ADGRL2: variants seen among roughly 807,000 people sequenced by gnomAD.
ADGRL2 encodes calcium-independent alpha-latrotoxin receptor 2.
ADGRL2 carries 44 observed loss-of-function variants against 157.4 expected under a neutral mutation model. The ratio of observed to expected loss-of-function variants is 0.28; its 90% confidence interval spans 0.22 to 0.36. ADGRL2 has a LOEUF of 0.36. Ranked by LOEUF, ADGRL2 falls within the 10% of genes least tolerant of loss-of-function variation. ADGRL2 has a pLI of 1.00. For synonymous variants in ADGRL2, 585 were observed against 624.7 expected, an observed-to-expected ratio of 0.94 and a Z score of 0.95; for missense variants, 1,510 against 1,768.9, an observed-to-expected ratio of 0.85 and a Z score of 2.63.
At chr1:81,985,714 A>T (rs1662955855) in intron 21 of ADGRL2, among the ~76,000 whole-genome samples, 2 of 152,020 alleles carry the variant, frequency 1.3e-5, no homozygotes, top group South Asian at 4.1e-4. Flanking sequence ...AAACAAAAAT[A>T]CATGAAAGTT....
At chr1:81,479,160 T>A (rs1302557387) in intron 2 of ADGRL2, among the ~76,000 whole-genome samples, 1 of 151,368 alleles carries the variant, frequency 6.6e-6, no homozygotes, top group Admixed American at 6.6e-5. Context: ...ATTAAAATAT[T>A]TTTTTCTTTT....
At chr1:81,637,218 C>G (rs2082132128) in intron 3 of ADGRL2, among the ~76,000 whole-genome samples, 1 of 152,120 alleles carries the variant, frequency 6.6e-6, no homozygotes, top group Non-Finnish European at 1.5e-5. Context: ...AAGCACATTT[C>G]CAGGTCAGAT....
At chr1:81,652,964 T>C (rs1252210273) in intron 3 of ADGRL2, among the ~76,000 whole-genome samples, 3 of 152,196 alleles carry the variant, frequency 2.0e-5, no homozygotes, top group African/African-American at 7.2e-5. Flanking sequence ...TTAAAGTGAA[T>C]CATTTGATCA....
At chr1:81,322,898 C>G (rs781450970) in intron 1 of ADGRL2, among the ~76,000 whole-genome samples, 2 of 152,112 alleles carry the variant, frequency 1.3e-5, no homozygotes, top group Non-Finnish European at 2.9e-5. Context: ...CACTCTGTTG[C>G]CCAGGCTGGA....
intron 2 of ADGRL2, among the ~76,000 whole-genome samples, chr1:81,506,746 A>G (rs1472455459): frequency 6.6e-6 from 1 of 151,332 alleles, no homozygotes; most frequent in Admixed American, 6.6e-5. Context: ...ACAAAACAAA[A>G]CAAAACAAAA....
At chr1:81,502,569 T>C (rs112436178) in intron 2 of ADGRL2, 3 of 1,613,842 alleles carry the variant, frequency 1.9e-6, no homozygotes, top group Non-Finnish European at 2.5e-6. Flanking sequence ...GGGGGCCTGG[T>C]GGAGATCATC....
chr1:81,644,768 A>G (rs991647855), intron 3 of ADGRL2, among the ~76,000 whole-genome samples: 2 of 152,222 alleles, frequency 1.3e-5, no homozygotes, highest in Non-Finnish European at 1.5e-5. Flanking sequence ...CTGGTTCAGG[A>G]TGCTAACAAT....
chr1:81,841,018 TG>T (rs2092556120), intron 2 of ADGRL2, among the ~76,000 whole-genome samples: 1 of 152,174 alleles, frequency 6.6e-6, no homozygotes. Context: ...AATGGAGCCT[TG>T]GCAAGCATAA....
intron 1 of ADGRL2, among the ~76,000 whole-genome samples, chr1:81,833,123 A>C (rs190684302): frequency 5.7e-4 from 87 of 152,324 alleles, no homozygotes; most frequent in Admixed American, 8.5e-4. Context: ...AATGATTATA[A>C]TTTTATGATG....
intron 1 of ADGRL2, among the ~76,000 whole-genome samples, chr1:81,397,300 G>A (rs2076671675): frequency 7.4e-6 from 1 of 134,552 alleles, no homozygotes; most frequent in African/African-American, 2.8e-5. Flanking sequence ...TGTGGTATTA[G>A]TTATAATGTC....
intron 1 of ADGRL2, among the ~76,000 whole-genome samples, chr1:81,321,257 C>T (rs868568802): frequency 6.6e-6 from 1 of 152,150 alleles, no homozygotes; most frequent in African/African-American, 2.4e-5. Context: ...CTGTTTTGGT[C>T]TTCTATCCCG....
intron 1 of ADGRL2, among the ~76,000 whole-genome samples, chr1:81,756,834 T>TA (rs746998501): frequency 3.3e-4 from 51 of 152,310 alleles, no homozygotes; most frequent in Non-Finnish European, 6.3e-4. Context: ...AGGCACTAAA[T>TA]AAATACTTGT....
chr1:81,669,803 C>T (rs2082833191), intron 3 of ADGRL2, among the ~76,000 whole-genome samples: 2 of 151,914 alleles, frequency 1.3e-5, no homozygotes, highest in African/African-American at 4.8e-5. Flanking sequence ...ATTAGCCAGG[C>T]ATGGTGGCTG....
intron 2 of ADGRL2, among the ~76,000 whole-genome samples, chr1:81,521,096 T>C (rs960575780): frequency 1.3e-5 from 2 of 152,232 alleles, no homozygotes; most frequent in Non-Finnish European, 2.9e-5. Context: ...GTCATCTTTA[T>C]TCTGGAAGGT....
At chr1:81,313,598 C>T (rs1441768807) in intron 1 of ADGRL2, among the ~76,000 whole-genome samples, 2 of 152,074 alleles carry the variant, frequency 1.3e-5, no homozygotes, top group Non-Finnish European at 2.9e-5. Flanking sequence ...TACCAAAGTT[C>T]GAAAGGCAGA....
In ADGRL2 at chr1:81,987,329, A is replaced by G. The variant is rs748196467; in HGVS notation, c.3637+300A>G. The stretch of plus-strand genomic sequence containing the variant: ...GTCTGAGAGCCCATCTTCAAGATTT[A>G]TATCATTTAGAGGTATCCTATCTAT... On this transcript the variant is annotated intron_variant, in intron 22 of 23. Transcript: ENST00000686636. 7.6e-6 allele frequency: 12 copies of G among 1,573,176 alleles called. No individual in the cohort carries two copies. In the Admixed American group the frequency reaches 1.0e-4, roughly 13 times the overall value.
chr1:81,861,659 CAGG>C (rs2093392685), intron 2 of ADGRL2, among the ~76,000 whole-genome samples: 1 of 152,148 alleles, frequency 6.6e-6, no homozygotes, highest in South Asian at 2.1e-4. Context: ...GAGGCTGAGG[CAGG>C]TGGATCACTT....
intron 1 of ADGRL2, among the ~76,000 whole-genome samples, chr1:81,323,233 A>C (rs1211035299): frequency 2.0e-5 from 3 of 149,262 alleles, no homozygotes; most frequent in Middle Eastern, 3.8e-3. Context: ...TAGAAAAGAA[A>C]ATTTTTCTGT....
chr1:81,893,619 C>T (rs1229259283), intron 2 of ADGRL2, among the ~76,000 whole-genome samples: 1 of 152,152 alleles, frequency 6.6e-6, no homozygotes, highest in Non-Finnish European at 1.5e-5. Context: ...TGAAAGACTA[C>T]AATGGGCTGT....
Sources: gnomAD v4.1 joint callset for allele counts (sites outside exome capture counted in the v4.1 genomes callset) on GRCh38, gnomAD v4.1.1 for gene constraint, MANE v1.5 for transcripts, NCBI Gene and HGNC (gene_info 2026-07-23, HGNC 2026-07-21) for gene names.